Variants in PRKCQ observed in about 807,000 individuals in gnomAD.
The protein encoded by PRKCQ is protein kinase C theta, also known as protein kinase C theta type.
PRKCQ carries 41 observed loss-of-function variants against 91.2 expected under a neutral mutation model. The ratio of observed to expected loss-of-function variants is 0.45; its 90% CI spans 0.35 to 0.58. The LOEUF is 0.58. PRKCQ is among the 20% of genes least tolerant of loss of function. The pLI is 0.00. For synonymous variants in PRKCQ, 307 were observed against 316.9 expected, an observed-to-expected ratio of 0.97 and a Z score of 0.33; for missense variants, 673 against 896.5, an observed-to-expected ratio of 0.75 and a Z score of 3.18.
intron 15 of PRKCQ, among the ~76,000 whole-genome samples, 164 bp downstream of exon 15, chr10:6,456,504 AAATAAT>A (rs1253454797): frequency 6.6e-6 from 1 of 152,202 alleles, no homozygotes; most frequent in East Asian, 1.9e-4. Context: ...GCTCCCCACA[AAATAAT>A]AATAGAAACC....
intron 1 of PRKCQ, among the ~76,000 whole-genome samples, chr10:6,522,339 T>A (rs1839045253): frequency 6.6e-6 from 1 of 152,236 alleles, no homozygotes. Flanking sequence ...GTAGCTTCGA[T>A]GCAGGTACAT....
intron 1 of PRKCQ, among the ~76,000 whole-genome samples, chr10:6,558,252 A>G (rs1241075755): frequency 6.6e-6 from 1 of 152,228 alleles, no homozygotes; most frequent in Non-Finnish European, 1.5e-5. Flanking sequence ...AGGCATTTTA[A>G]AAAGATGTTT....
chr10:6,422,788 G>C (rs528878914), downstream of PRKCQ, among the ~76,000 whole-genome samples: 10 of 152,274 alleles, frequency 6.6e-5, no homozygotes, highest in African/African-American at 2.4e-4. Context: ...AAACGACATG[G>C]AAGGCAGAAG....
intron 4 of PRKCQ, among the ~76,000 whole-genome samples, chr10:6,499,897 C>T (rs185750482): frequency 6.6e-6 from 1 of 152,200 alleles, no homozygotes; most frequent in African/African-American, 2.4e-5. Flanking sequence ...AAACCTCCCC[C>T]AGGAATCCAG....
chr10:6,485,806 G>A (rs145171900), intron 9 of PRKCQ, among the ~76,000 whole-genome samples: 1 of 152,200 alleles, frequency 6.6e-6, no homozygotes, highest in Non-Finnish European at 1.5e-5. Flanking sequence ...CAATGCTCAT[G>A]CCATGAAGAA....
chr10:6,404,538 CTTCCTTCCT>C, the PRKCQ span, among the ~76,000 whole-genome samples: 1 of 118,060 alleles, frequency 8.5e-6, no homozygotes, highest in Admixed American at 9.5e-5. Context: ...CCTTCCTTCC[CTTCCTTCCT>C]TACTTCCATC....
intron 1 of PRKCQ, among the ~76,000 whole-genome samples, chr10:6,521,916 TG>T (rs5782909): frequency 0.091 from 11,845 of 129,864 alleles, 653 homozygotes; most frequent in Middle Eastern, 0.24. Context: ...TGTTATGTTA[TG>T]TTATGTTATT....
intron 1 of PRKCQ, among the ~76,000 whole-genome samples, chr10:6,530,442 CAG>C (rs1839351148): frequency 6.6e-6 from 1 of 152,240 alleles, no homozygotes. Flanking sequence ...GCGGAAGCAG[CAG>C]TGCTCAGTCC....
chr10:6,548,036 GA>G (rs1472155011), intron 1 of PRKCQ, among the ~76,000 whole-genome samples: 1 of 151,674 alleles, frequency 6.6e-6, no homozygotes, highest in Non-Finnish European at 1.5e-5. Context: ...AAATTTACAA[GA>G]AAAAAACAAA....
At chr10:6,419,685 CTTTTT>C in the PRKCQ span, among the ~76,000 whole-genome samples, 4 of 108,002 alleles carry the variant, frequency 3.7e-5, no homozygotes, top group Non-Finnish European at 5.8e-5. Context: ...CTGAAATCTC[CTTTTT>C]TTTTTTTTTT....
Position 6,483,210 on chromosome 10 carries a change from T to C in PRKCQ, c.1179+230A>G, listed in dbSNP as rs1430650637. Among the ~76,000 whole-genome samples the C allele has an allele frequency of 3.9e-5, 6 of 152,172 alleles. No homozygotes were observed. In the East Asian group the frequency reaches 7.7e-4, roughly 20 times the overall value. Reference sequence around the variant, plus strand: ...ACATCAAACTCATAGGCGTGTGAGATGTACACTCTCCAAGCAAAGTAGCTT... The same window carrying C: ...ACATCAAACTCATAGGCGTGTGAGACGTACACTCTCCAAGCAAAGTAGCTT... On this transcript the variant is annotated intron_variant, in intron 11 of 17. Coordinates refer to ENST00000263125, the MANE Select transcript of PRKCQ (RefSeq NM_006257.5).
intron 12 of PRKCQ, among the ~76,000 whole-genome samples, chr10:6,473,110 T>C (rs532280388): frequency 2.6e-5 from 4 of 152,310 alleles, no homozygotes; most frequent in Admixed American, 6.5e-5. Context: ...CCCATGACTA[T>C]AGCACACTCT....
the PRKCQ span, among the ~76,000 whole-genome samples, chr10:6,397,652 C>A: frequency 6.6e-6 from 1 of 152,050 alleles, no homozygotes; most frequent in Non-Finnish European, 1.5e-5. Flanking sequence ...TGGCTGGGTG[C>A]GGTGGCTCAT....
intron 1 of PRKCQ, among the ~76,000 whole-genome samples, chr10:6,532,472 G>T (rs964330447): frequency 6.6e-6 from 1 of 151,862 alleles, no homozygotes; most frequent in Non-Finnish European, 1.5e-5. Context: ...ATCCCACCCC[G>T]ACTGCACCCA....
At chr10:6,541,694 CTTTTTT>C (rs376482108) in intron 1 of PRKCQ, among the ~76,000 whole-genome samples, 1 of 151,950 alleles carries the variant, frequency 6.6e-6, no homozygotes, top group Non-Finnish European at 1.5e-5. Flanking sequence ...TACTTTTTAT[CTTTTTT>C]TTAACAACTA....
chr10:6,421,634 T>C, the PRKCQ span, among the ~76,000 whole-genome samples: 10 of 152,342 alleles, frequency 6.6e-5, no homozygotes, highest in African/African-American at 9.6e-5. The surrounding 1 kb of genome is among the most constrained non-coding windows in gnomAD (Gnocchi z 4.1). Flanking sequence ...AATTCAGAGT[T>C]TGTGGTGCAT....
chr10:6,495,855 A>C (rs1048813077), intron 7 of PRKCQ, among the ~76,000 whole-genome samples: 4 of 152,046 alleles, frequency 2.6e-5, no homozygotes, highest in Non-Finnish European at 5.9e-5. Context: ...TGTAATATTC[A>C]CTCTTCGGAT....
At chr10:6,402,430 TCACGCCTACCATGTGTGAAG>T in the PRKCQ span, among the ~76,000 whole-genome samples, 3 of 134,266 alleles carry the variant, frequency 2.2e-5, no homozygotes, top group Non-Finnish European at 4.7e-5. Flanking sequence ...CTTTCCTCCC[TCACGCCTACCATGTGTGAAG>T]CACTGTACCC....
intron 1 of PRKCQ, among the ~76,000 whole-genome samples, chr10:6,551,608 G>A (rs910098233): frequency 5.3e-5 from 8 of 152,066 alleles, no homozygotes; most frequent in Non-Finnish European, 8.8e-5. Flanking sequence ...ATGTTAACCA[G>A]GATGGTCTCG....
Sources: allele counts gnomAD v4.1 joint callset (sites outside exome capture counted in the v4.1 genomes callset), GRCh38; gene constraint gnomAD v4.1.1; non-coding constraint Gnocchi (gnomAD v3.1); transcripts MANE v1.5; gene names NCBI Gene and HGNC (gene_info 2026-07-23, HGNC 2026-07-21).